PRSS48: variants seen among roughly 807,000 people sequenced by gnomAD.
The protein encoded by PRSS48 is epidermis-specific serine protease-like protein.
In PRSS48, 21 loss-of-function variants were observed where a neutral mutation model predicts 25.6. The observed-to-expected ratio is 0.82, with a 90% CI of 0.58 to 1.18. The LOEUF (loss-of-function observed/expected upper bound fraction) is 1.18. Among genes scored for constraint, PRSS48 ranks in the 50% most tolerant of loss-of-function variants. The probability of loss-of-function intolerance (pLI) is 0.00; values close to 1 mark genes in which losing one functional copy is unlikely to be tolerated. For missense variants in PRSS48, 373 were observed against 399.3 expected (o/e 0.93, Z 0.56); for synonymous variants, 150 against 149.3 (o/e 1.00, Z -0.04).
chr4:151,284,366 T>C (rs1396082788), intron 4 of PRSS48, among the ~76,000 whole-genome samples: 1 of 152,200 alleles, frequency 6.6e-6, no homozygotes, highest in Non-Finnish European at 1.5e-5. Flanking sequence ...TCTAGTGAAG[T>C]TTTTATTTCA....
chr4:151,279,864 T>C, exon 2 of PRSS48: 10 of 1,376,884 alleles, frequency 7.3e-6, no homozygotes, highest in Non-Finnish European at 1.0e-5. Flanking sequence ...GCGCTGGCCT[T>C]GGCAGGTCAG....
exon 3 of PRSS48, chr4:151,282,171 C>A (rs370412647): frequency 1.2e-6 from 2 of 1,613,906 alleles, no homozygotes; most frequent in East Asian, 4.5e-5. Flanking sequence ...TTTTCATATA[C>A]TGTGTGGCTA....
At position 151,277,174 on chromosome 4, in the gene PRSS48, TG is replaced by T. The variant is rs774866079; in HGVS notation, c.5del (p.Gly2?). 2 of 1,481,944 alleles carry T rather than the reference TG, an allele frequency of 1.3e-6. No homozygotes were observed. Among genetic ancestry groups the T allele is most frequent in the Non-Finnish European group, 1.8e-6 (2 of 1,102,736 alleles). 91.8% of individuals were successfully genotyped at this position (1,481,944 alleles called of 1,614,324 possible). On this transcript the variant is annotated frameshift_variant and start_lost, in exon 1 of 5. Coordinates refer to ENST00000455694, the Ensembl canonical transcript of PRSS48. LOFTEE classifies it high-confidence loss of function. ...CTCACTGGCTCTGAGGACAGAGACA[TG>T]GGCCCTGCTGGCTGTGCCTTCACGC...
intron 4 of PRSS48, among the ~76,000 whole-genome samples, chr4:151,286,699 G>T (rs1406801076): frequency 6.6e-6 from 1 of 151,422 alleles, no homozygotes; most frequent in Non-Finnish European, 1.5e-5. Context: ...CCCAATTCTG[G>T]CCACAGGCAG....
intron 4 of PRSS48, among the ~76,000 whole-genome samples, chr4:151,286,186 A>AC (rs1247919309): frequency 1.7e-4 from 11 of 66,390 alleles, no homozygotes; most frequent in African/African-American, 3.7e-4. Context: ...GTCTTAAAGA[A>AC]AAAAAAAAAA....
intron 1 of PRSS48, among the ~76,000 whole-genome samples, chr4:151,277,485 T>C (rs1275897628): frequency 1.3e-5 from 2 of 152,080 alleles, no homozygotes; most frequent in Non-Finnish European, 2.9e-5. Context: ...ATTATAAGGC[T>C]TGTTAGAAGG....
intron 4 of PRSS48, among the ~76,000 whole-genome samples, chr4:151,287,400 T>C (rs1038309371): frequency 1.3e-5 from 2 of 149,676 alleles, no homozygotes; most frequent in Non-Finnish European, 3.0e-5. Context: ...TCAGTATTAC[T>C]GAGACCAAAA....
intron 4 of PRSS48, among the ~76,000 whole-genome samples, chr4:151,284,857 T>C (rs901763510): frequency 6.6e-6 from 1 of 152,180 alleles, no homozygotes; most frequent in Non-Finnish European, 1.5e-5. Flanking sequence ...GCTTGGAGTC[T>C]AACCTGCACA....
intron 4 of PRSS48, among the ~76,000 whole-genome samples, chr4:151,287,367 A>C (rs1774908007): frequency 6.6e-6 from 1 of 151,344 alleles, no homozygotes; most frequent in African/African-American, 2.4e-5. Context: ...AAAAAGAGGG[A>C]ACACTTCCCA....
intron 1 of PRSS48, 139 bp downstream of exon 1, chr4:151,277,363 A>G (rs1773736770): frequency 1.2e-5 from 6 of 520,854 alleles, no homozygotes; most frequent in Non-Finnish European, 1.5e-5. Context: ...AGAGGCTACT[A>G]TATACCCAGC....
At chr4:151,289,780 T>C (rs571633498) in intron 4 of PRSS48, among the ~76,000 whole-genome samples, 9 of 152,232 alleles carry the variant, frequency 5.9e-5, no homozygotes, top group Non-Finnish European at 1.3e-4. Context: ...AATATGTCCA[T>C]ACAAAAACTT....
intron 3 of PRSS48, 113 bp from the exon 4 acceptor site, chr4:151,283,004 C>A: frequency 1.2e-6 from 1 of 812,938 alleles, no homozygotes; most frequent in Non-Finnish European, 2.0e-6. Context: ...ATTGGAAAGG[C>A]ATTGTAAGCT....
rs769911174 is a variant in PRSS48 at position 151,282,390 on chromosome 4, G to A, written c.458G>A (p.Trp153Ter). The A allele has an allele frequency of 6.2e-7, 1 of 1,613,864 alleles. No homozygotes were observed. The highest frequency in any genetic ancestry group is 8.5e-7 in the Non-Finnish European group (1 of 1,179,870). Residue 153 changes from tryptophan (W) to a stop codon, truncating the protein, a stop_gained, in exon 3 of 5, where the codon TGG becomes TAG. Coordinates refer to ENST00000455694, the Ensembl canonical transcript of PRSS48. LOFTEE classifies it high-confidence loss of function. Reference sequence around the variant, plus strand: ...CCACCCTTTTGTTGGGTGACCGGATGGGGAAAAGTTAAGGAAAGTTCAGGT... The same window carrying A: ...CCACCCTTTTGTTGGGTGACCGGATAGGGAAAAGTTAAGGAAAGTTCAGGT...
chr4:151,284,667 T>G (rs1774569008), intron 4 of PRSS48, among the ~76,000 whole-genome samples: 1 of 152,206 alleles, frequency 6.6e-6, no homozygotes, highest in Non-Finnish European at 1.5e-5. Flanking sequence ...TAATATCTAA[T>G]CATTTTGGAA....
chr4:151,283,793 T>C (rs1424692225), intron 4 of PRSS48, among the ~76,000 whole-genome samples: 1 of 152,166 alleles, frequency 6.6e-6, no homozygotes, highest in Non-Finnish European at 1.5e-5. Context: ...TAGACTTTTA[T>C]AGACCTGTAT....
At chr4:151,282,976 C>T in intron 3 of PRSS48, 141 bp from the exon 4 acceptor site, 2 of 641,984 alleles carry the variant, frequency 3.1e-6, no homozygotes, top group Non-Finnish European at 5.3e-6. Context: ...CCAAAAGATC[C>T]ACCCATAAGC....
chr4:151,289,623 A>T (rs1561435273), intron 4 of PRSS48, among the ~76,000 whole-genome samples: 3 of 152,222 alleles, frequency 2.0e-5, no homozygotes, highest in African/African-American at 7.2e-5. Context: ...AAATGTAGAG[A>T]AATTGGAGCC....
chr4:151,283,141 A>G (rs766184848), exon 4 of PRSS48: 82 of 1,613,708 alleles, frequency 5.1e-5, no homozygotes, highest in Non-Finnish European at 6.5e-5. Context: ...TCTGCCCTTC[A>G]GGAAGCAGAA....
At chr4:151,279,770 C>T (rs376017794) in intron 1 of PRSS48, 26 bp from the exon 2 acceptor site, 139 of 1,611,054 alleles carry the variant, frequency 8.6e-5, no homozygotes, top group Non-Finnish European at 1.1e-4. Context: ...TAGGTTTCCA[C>T]ATTTCCCTTT....
Sources: allele counts gnomAD v4.1 joint callset (sites outside exome capture counted in the v4.1 genomes callset), GRCh38; gene constraint gnomAD v4.1.1; transcripts MANE v1.5; gene names NCBI Gene and HGNC (gene_info 2026-07-23, HGNC 2026-07-21).